The following PLCH1 variants were observed in gnomAD, a reference collection of about 807,000 sequenced individuals.
The protein encoded by PLCH1 is 1-phosphatidylinositol 4,5-bisphosphate phosphodiesterase eta-1.
PLCH1 carries 60 observed loss-of-function variants against 126.7 expected under a neutral mutation model. That is an observed-to-expected ratio of 0.47 (90% CI 0.38 to 0.59). The LOEUF (loss-of-function observed/expected upper bound fraction) is 0.59, where lower values mean the gene tolerates loss of function less well. Ranked by LOEUF, PLCH1 falls within the 20% of genes least tolerant of loss-of-function variation. The pLI is 0.00. For synonymous variants in PLCH1, 719 were observed against 734.9 expected (o/e 0.98, Z 0.35); for missense variants, 1,723 against 2,040.0 (o/e 0.84, Z 2.99).
At chr3:155,468,108 G>T (rs556857051) in intron 21 of PLCH1, among the ~76,000 whole-genome samples, 1 of 152,314 alleles carries the variant, frequency 6.6e-6, no homozygotes, top group East Asian at 1.9e-4. Flanking sequence ...AAAAGTGGGG[G>T]TATGAAGTTA....
At chr3:155,576,366 G>A (rs531435470) in intron 6 of PLCH1, among the ~76,000 whole-genome samples, 2 of 152,180 alleles carry the variant, frequency 1.3e-5, no homozygotes, top group South Asian at 2.1e-4. Flanking sequence ...TCTCAGCCAG[G>A]TAATTTCTGG....
At chr3:155,701,079 G>A (rs1355075591) in intron 2 of PLCH1, among the ~76,000 whole-genome samples, 1 of 152,138 alleles carries the variant, frequency 6.6e-6, no homozygotes, top group Non-Finnish European at 1.5e-5. Flanking sequence ...GGACATAGTA[G>A]TCAATTCAAC....
intron 1 of PLCH1, among the ~76,000 whole-genome samples, chr3:155,728,481 A>G (rs898779559): frequency 2.0e-4 from 30 of 152,312 alleles, no homozygotes; most frequent in African/African-American, 7.0e-4. Context: ...AAACTGAAGC[A>G]CAGTAAGGTT....
intron 2 of PLCH1, among the ~76,000 whole-genome samples, chr3:155,641,774 T>G (rs1190948820): frequency 6.6e-6 from 1 of 152,018 alleles, no homozygotes; most frequent in African/African-American, 2.4e-5. Context: ...TTTTAAAATC[T>G]CAAGTTTAGG....
chr3:155,716,440 G>A (rs1038159504), intron 1 of PLCH1, among the ~76,000 whole-genome samples: 3 of 152,236 alleles, frequency 2.0e-5, no homozygotes, highest in Admixed American at 6.5e-5. Context: ...TAAGAAAAGA[G>A]GTTTGATTAG....
At chr3:155,590,577 C>CA (rs35443780) in intron 4 of PLCH1, among the ~76,000 whole-genome samples, 73,488 of 125,306 alleles carry the variant, frequency 0.59, 22,467 homozygotes, top group Non-Finnish European at 0.7. Context: ...GACTCCATCT[C>CA]AAAAAAAAAA....
chr3:155,483,476 C>A (rs1182926223), intron 22 of PLCH1: 2 of 622,666 alleles, frequency 3.2e-6, no homozygotes, highest in Non-Finnish European at 2.6e-6. Context: ...CAAAGTTATA[C>A]ATGTATTAGT....
In PLCH1 at chr3:155,481,429, C is replaced by T. The variant is rs762898312; in HGVS notation, c.4597G>A (p.Ala1533Thr). The change falls in exon 23 of 23, where the codon GCC becomes ACC. Residue 1533 changes from alanine (A) to threonine (T), a missense_variant. Ala to Thr is a moderately conservative substitution (Grantham distance 58, BLOSUM62 0). Around this residue, in one of 2 missense-constraint regions of PLCH1, gnomAD observed 947 missense variants for 977.1 expected, o/e 0.97. Coordinates refer to ENST00000460012, the MANE Select transcript of PLCH1 (RefSeq NM_014996.4). This position sits in a 1 kb window ranked among gnomAD's most constrained non-coding sequence, Gnocchi z 4.2. ...VKTKSLEPID[A>T]LTEQLRKLVS... ...AGCTTCCGAAGCTGCTCGGTCAGGG[C>T]ATCTATAGGCTCTAACGACTTTGTC... is the stretch of plus-strand genomic sequence containing the variant. 1 of 1,614,194 alleles carries T rather than the reference C, an allele frequency of 6.2e-7. No homozygotes were observed. Among genetic ancestry groups the T allele is most frequent in the Non-Finnish European group, 8.5e-7 (1 of 1,180,034 alleles).
At chr3:155,647,299 C>T (rs1740169720) in intron 2 of PLCH1, among the ~76,000 whole-genome samples, 1 of 151,702 alleles carries the variant, frequency 6.6e-6, no homozygotes, top group South Asian at 2.1e-4. Flanking sequence ...GTCCTCTTAA[C>T]GTTTTAAAGA....
intron 21 of PLCH1, among the ~76,000 whole-genome samples, chr3:155,461,642 G>A (rs562318097): frequency 2.6e-5 from 4 of 152,266 alleles, no homozygotes; most frequent in African/African-American, 9.6e-5. Context: ...CCAACTGATG[G>A]AGAAGGGAAG....
chr3:155,452,921 G>T (rs1268913623), intron 21 of PLCH1, among the ~76,000 whole-genome samples: 1 of 152,152 alleles, frequency 6.6e-6, no homozygotes, highest in African/African-American at 2.4e-5. Context: ...TATATTGCAA[G>T]TTGAACTCCC....
At chr3:155,714,527 C>T (rs976555745) in intron 1 of PLCH1, among the ~76,000 whole-genome samples, 28 of 152,178 alleles carry the variant, frequency 1.8e-4, no homozygotes, top group Non-Finnish European at 1.9e-4. Flanking sequence ...CAGCTATGTA[C>T]ACAAAGGGAA....
chr3:155,637,549 T>C (rs1177008083), intron 2 of PLCH1, among the ~76,000 whole-genome samples: 1 of 152,236 alleles, frequency 6.6e-6, no homozygotes, highest in African/African-American at 2.4e-5. Context: ...GGGAAAATAT[T>C]ACCTACATTC....
chr3:155,633,958 C>T (rs1738404016), intron 2 of PLCH1, among the ~76,000 whole-genome samples: 1 of 152,100 alleles, frequency 6.6e-6, no homozygotes, highest in South Asian at 2.1e-4. Context: ...GCATTCCTGA[C>T]TCCATCTTTT....
downstream of PLCH1, among the ~76,000 whole-genome samples, chr3:155,475,304 C>A (rs372886936): frequency 6.6e-6 from 1 of 151,866 alleles, no homozygotes; most frequent in East Asian, 1.9e-4. Context: ...CCAAAACCTA[C>A]AGGATACAGC....
At chr3:155,527,598 A>G (rs1722125046) in intron 10 of PLCH1, among the ~76,000 whole-genome samples, 1 of 152,200 alleles carries the variant, frequency 6.6e-6, no homozygotes, top group South Asian at 2.1e-4. Context: ...TCTTCAACTT[A>G]CAGAAGGGAA....
chr3:155,506,722 T>C (rs1718815085), intron 12 of PLCH1, among the ~76,000 whole-genome samples: 1 of 147,590 alleles, frequency 6.8e-6, no homozygotes, highest in African/African-American at 2.5e-5. Flanking sequence ...ATGGTGTATA[T>C]GTGCCACATT....
chr3:155,713,729 C>T (rs1333416101), intron 1 of PLCH1, among the ~76,000 whole-genome samples: 1 of 152,200 alleles, frequency 6.6e-6, no homozygotes, highest in African/African-American at 2.4e-5. Context: ...CACTGTGTTT[C>T]AGGGTCAATC....
chr3:155,692,823 CTCCGCTCACTGCAAGCTCCGCCT>C (rs1745499629), intron 2 of PLCH1, among the ~76,000 whole-genome samples: 1 of 151,956 alleles, frequency 6.6e-6, no homozygotes, highest in Non-Finnish European at 1.5e-5. Flanking sequence ...GTGGCGCCAT[CTCCGCTCACTGCAAGCTCCGCCT>C]TCCTGGTTCA....
Sources: gnomAD v4.1 joint callset for allele counts (sites outside exome capture counted in the v4.1 genomes callset) on GRCh38, gnomAD v4.1.1 for gene constraint, gnomAD v4.1.1 regional missense constraint, Gnocchi (gnomAD v3.1) non-coding constraint, MANE v1.5 for transcripts, NCBI Gene and HGNC (gene_info 2026-07-23, HGNC 2026-07-21) for gene names.